Variants in MTUS2 observed in about 807,000 individuals in gnomAD.
MTUS2 encodes microtubule associated scaffold protein 2.
A neutral mutation model predicts 114.1 loss-of-function variants in MTUS2; 40 were observed. The observed-to-expected ratio is 0.35, with a 90% CI of 0.27 to 0.46. MTUS2 has a LOEUF of 0.46. Among genes scored for constraint, MTUS2 ranks in the 20% least tolerant of loss-of-function variants. MTUS2 has a pLI of 1.00. For synonymous variants in MTUS2, 688 were observed against 672.0 expected, an observed-to-expected ratio of 1.02 and a Z score of -0.37; for missense variants, 1,679 against 1,705.4, an observed-to-expected ratio of 0.98 and a Z score of 0.27.
intron 4 of MTUS2, among the ~76,000 whole-genome samples, chr13:29,036,877 TC>T (rs1210183889): frequency 6.6e-6 from 1 of 151,676 alleles, no homozygotes; most frequent in African/African-American, 2.4e-5. Flanking sequence ...TATTCCTCTG[TC>T]CCTTTATTTT....
chr13:29,219,501 C>G (rs1245823345), intron 5 of MTUS2, among the ~76,000 whole-genome samples: 1 of 152,050 alleles, frequency 6.6e-6, no homozygotes, highest in African/African-American at 2.4e-5. Flanking sequence ...AATGGGATGG[C>G]TGGGTCAAAT....
chr13:29,052,338 G>C (rs541288009), intron 4 of MTUS2, among the ~76,000 whole-genome samples: 2 of 151,736 alleles, frequency 1.3e-5, no homozygotes, highest in East Asian at 1.9e-4. Flanking sequence ...AAAATTAGCC[G>C]GGCATGGTGG....
chr13:29,358,213 A>G (rs1322007582), intron 7 of MTUS2, among the ~76,000 whole-genome samples: 1 of 152,178 alleles, frequency 6.6e-6, no homozygotes, highest in Non-Finnish European at 1.5e-5. Context: ...TGCACATCCC[A>G]GGTCTGTCTG....
intron 4 of MTUS2, among the ~76,000 whole-genome samples, chr13:29,081,068 A>G (rs1325515234): frequency 2.0e-5 from 3 of 152,188 alleles, no homozygotes; most frequent in African/African-American, 7.2e-5. Flanking sequence ...ACTGACATAA[A>G]TAAAGCAGGG....
intron 8 of MTUS2, among the ~76,000 whole-genome samples, chr13:29,438,670 G>A (rs926513812): frequency 1.3e-5 from 2 of 152,092 alleles, no homozygotes; most frequent in Admixed American, 6.6e-5. Flanking sequence ...GGGGATTTAG[G>A]GGGACACATA....
chr13:29,286,173 G>A (rs1315188140), intron 6 of MTUS2, among the ~76,000 whole-genome samples: 2 of 152,154 alleles, frequency 1.3e-5, no homozygotes, highest in Admixed American at 6.5e-5. Context: ...TGATTTGCCC[G>A]CCTCAGCCTC....
chr13:29,063,023 G>A (rs1888494508), intron 4 of MTUS2, among the ~76,000 whole-genome samples: 1 of 152,172 alleles, frequency 6.6e-6, no homozygotes, highest in South Asian at 2.1e-4. Context: ...ACAAGATCTT[G>A]TTTGAGTGCT....
intron 2 of MTUS2, among the ~76,000 whole-genome samples, chr13:28,883,349 A>T (rs1182235016): frequency 6.6e-6 from 1 of 152,246 alleles, no homozygotes; most frequent in Non-Finnish European, 1.5e-5. Context: ...AACCTGCACG[A>T]AAGTGTTCAT....
At chr13:29,495,563 T>C (rs1257593559) in intron 12 of MTUS2, among the ~76,000 whole-genome samples, 1 of 152,032 alleles carries the variant, frequency 6.6e-6, no homozygotes, top group Non-Finnish European at 1.5e-5. Context: ...ATGATACCAT[T>C]TCTCTTGCCA....
chr13:28,967,218 T>G (rs1275095490), intron 2 of MTUS2, among the ~76,000 whole-genome samples: 1 of 152,178 alleles, frequency 6.6e-6, no homozygotes, highest in African/African-American at 2.4e-5. Context: ...AAATTTAACT[T>G]CTTTTGCTTT....
intron 6 of MTUS2, among the ~76,000 whole-genome samples, chr13:29,282,803 A>T (rs2139546228): frequency 6.6e-6 from 1 of 152,288 alleles, no homozygotes; most frequent in East Asian, 1.9e-4. Context: ...ATGAGACTGC[A>T]TTATATCAAT....
chr13:29,076,976 T>C (rs1889220476), intron 4 of MTUS2, among the ~76,000 whole-genome samples: 1 of 152,216 alleles, frequency 6.6e-6, no homozygotes, highest in Admixed American at 6.5e-5. Context: ...GCATTTTAGA[T>C]GCAATTTCTT....
chr13:28,853,855 A>T (rs971399719), intron 2 of MTUS2, among the ~76,000 whole-genome samples: 2 of 152,250 alleles, frequency 1.3e-5, no homozygotes, highest in Admixed American at 1.3e-4. Flanking sequence ...GTTCAAGATC[A>T]TCAAGAAGAT....
At chr13:29,066,659 A>G (rs1257947928) in intron 4 of MTUS2, among the ~76,000 whole-genome samples, 1 of 152,240 alleles carries the variant, frequency 6.6e-6, no homozygotes, top group African/African-American at 2.4e-5. Flanking sequence ...GATCAGATTC[A>G]TTCCTTTATT....
intron 1 of MTUS2, among the ~76,000 whole-genome samples, chr13:28,835,022 G>T (rs1874972870): frequency 6.6e-6 from 1 of 152,214 alleles, no homozygotes; most frequent in Non-Finnish European, 1.5e-5. Flanking sequence ...AAAATTAAGT[G>T]TTGGTGAAGA....
rs542576664 is a variant in MTUS2, at chr13:29,166,159, G to A, written c.2644+65189G>A. Among the ~76,000 whole-genome samples, 7 of 152,256 alleles carry A rather than the reference G, an allele frequency of 4.6e-5. No homozygotes were observed. The South Asian group carries it at 8.3e-4, about 18-fold the overall frequency. On this transcript the variant is annotated intron_variant, in intron 5 of 15. Coordinates refer to ENST00000612955, the MANE Select transcript of MTUS2 (RefSeq NM_001033602.4). ...CATTCTAAGTAGAATGAGGACACAG[G>A]ACATTAAGTTCCTTGCAATATCTAT... is the stretch of plus-strand genomic sequence containing the variant.
intron 6 of MTUS2, among the ~76,000 whole-genome samples, chr13:29,323,073 T>TGAGCAG (rs577584070): frequency 1.3e-5 from 2 of 152,144 alleles, no homozygotes; most frequent in Non-Finnish European, 2.9e-5. Context: ...ATACTGCAAA[T>TGAGCAG]GAGCAGACTG....
chr13:29,029,333 T>C (rs899260763), intron 3 of MTUS2, among the ~76,000 whole-genome samples: 1 of 152,214 alleles, frequency 6.6e-6, no homozygotes, highest in African/African-American at 2.4e-5. Context: ...AATGAGAACG[T>C]GTTCTGGCTA....
At chr13:29,255,545 A>G (rs1047627802) in intron 5 of MTUS2, among the ~76,000 whole-genome samples, 1 of 152,220 alleles carries the variant, frequency 6.6e-6, no homozygotes, top group Non-Finnish European at 1.5e-5. Context: ...TGTAAGAAAC[A>G]TACATAAGGA....
Sources: gnomAD v4.1 joint callset for allele counts (sites outside exome capture counted in the v4.1 genomes callset) on GRCh38, gnomAD v4.1.1 for gene constraint, MANE v1.5 for transcripts, NCBI Gene and HGNC (gene_info 2026-07-23, HGNC 2026-07-21) for gene names.